Variants in CYYR1 observed in about 807,000 individuals in gnomAD.
CYYR1 encodes cysteine and tyrosine-rich protein 1.
A neutral mutation model predicts 15.2 loss-of-function variants in CYYR1; 14 were observed. The observed-to-expected ratio is 0.92, with a 90% CI of 0.61 to 1.44. The LOEUF is 1.44. Ranked by LOEUF, CYYR1 falls within the 40% of genes most tolerant of loss-of-function variation. The probability of loss-of-function intolerance (pLI) is 0.00; values close to 1 mark genes in which losing one functional copy is unlikely to be tolerated. For missense variants in CYYR1, 228 were observed against 209.5 expected, an observed-to-expected ratio of 1.09 and a Z score of -0.54; for synonymous variants, 80 against 77.4, an observed-to-expected ratio of 1.03 and a Z score of -0.18.
At chr21:26,532,676 T>C (rs781716931) in intron 2 of CYYR1, among the ~76,000 whole-genome samples, 8 of 152,216 alleles carry the variant, frequency 5.3e-5, no homozygotes, top group Non-Finnish European at 1.2e-4. Flanking sequence ...AACATGTTAA[T>C]TTTTCACTGT....
At chr21:26,536,404 G>C (rs990850375) in intron 2 of CYYR1, among the ~76,000 whole-genome samples, 3 of 152,140 alleles carry the variant, frequency 2.0e-5, no homozygotes, top group African/African-American at 7.2e-5. Flanking sequence ...TGTGATTTAA[G>C]AAATGGTATA....
intron 3 of CYYR1, among the ~76,000 whole-genome samples, chr21:26,470,054 C>T (rs977119098): frequency 2.6e-5 from 4 of 152,100 alleles, no homozygotes; most frequent in Non-Finnish European, 5.9e-5. Flanking sequence ...TAATTGCCTA[C>T]TGTGAATGTA....
chr21:26,541,103 G>A (rs899948466), intron 2 of CYYR1, among the ~76,000 whole-genome samples: 14 of 152,112 alleles, frequency 9.2e-5, no homozygotes, highest in African/African-American at 3.4e-4. Flanking sequence ...AGAGCAGAGA[G>A]AAAAAATATT....
intron 2 of CYYR1, among the ~76,000 whole-genome samples, chr21:26,496,613 G>A (rs548852339): frequency 1.3e-5 from 2 of 152,222 alleles, no homozygotes; most frequent in East Asian, 1.9e-4. Context: ...TAGAGACACT[G>A]AACAATTGCT....
chr21:26,541,009 T>G (rs1978513682), intron 2 of CYYR1, among the ~76,000 whole-genome samples: 1 of 152,040 alleles, frequency 6.6e-6, no homozygotes, highest in African/African-American at 2.4e-5. Context: ...AAAAGGAAAT[T>G]AATTGTATGG....
chr21:26,557,438 C>T (rs2123703422), intron 2 of CYYR1, among the ~76,000 whole-genome samples: 1 of 152,212 alleles, frequency 6.6e-6, no homozygotes, highest in African/African-American at 2.4e-5. Flanking sequence ...ACAAATCCTA[C>T]ATTTTATGTA....
rs749050568 is a variant in CYYR1 at position 26,468,596 on chromosome 21, A to G, written c.373T>C (p.Tyr125His). 3.1e-6 allele frequency: 5 copies of G among 1,612,920 alleles called. No homozygotes were observed. Among genetic ancestry groups the G allele is most frequent in the South Asian group, 2.2e-5 (2 of 90,972 alleles). The change falls in exon 4 of 4, where the codon TAC (tyrosine) becomes CAC (histidine). Residue 125 changes from tyrosine to histidine, a missense_variant. Transcript: ENST00000652641. ...TATGGAGGAGGCAAGTCTGCACAGT[A>G]TTCCATCTCGTGGTCGTGACCGTAG... is the stretch of plus-strand genomic sequence containing the variant. ...PPYGHDHEME[Y>H]CADLPPPYSP...
intron 2 of CYYR1, chr21:26,564,698 A>G: frequency 6.1e-6 from 7 of 1,155,896 alleles, no homozygotes; most frequent in Non-Finnish European, 7.7e-6. Context: ...GAGGGCACAC[A>G]GCACACTCCA....
chr21:26,474,946 C>T (rs1008935832), intron 3 of CYYR1, among the ~76,000 whole-genome samples: 1 of 152,076 alleles, frequency 6.6e-6, no homozygotes, highest in Admixed American at 6.6e-5. Context: ...TACTCTTTTG[C>T]ACCTATTGTC....
intron 2 of CYYR1, among the ~76,000 whole-genome samples, chr21:26,532,305 A>G (rs182998640): frequency 3.9e-4 from 59 of 152,266 alleles, no homozygotes; most frequent in African/African-American, 1.4e-3. Context: ...AAAATGTGTG[A>G]TGGGCTTATT....
chr21:26,559,528 C>T (rs1262120530), intron 2 of CYYR1, among the ~76,000 whole-genome samples: 4 of 151,936 alleles, frequency 2.6e-5, no homozygotes, highest in Non-Finnish European at 4.4e-5. Flanking sequence ...TTATTTTAGA[C>T]ATTTTTTCTA....
intron 2 of CYYR1, among the ~76,000 whole-genome samples, chr21:26,516,882 G>A (rs1208648230): frequency 4.0e-5 from 6 of 151,804 alleles, no homozygotes; most frequent in African/African-American, 1.2e-4. Flanking sequence ...TTGGGAGGCC[G>A]AGGCGGGCGG....
At chr21:26,562,773 AACAC>A (rs1376246094) in intron 2 of CYYR1, among the ~76,000 whole-genome samples, 9 of 107,022 alleles carry the variant, frequency 8.4e-5, no homozygotes, top group Admixed American at 5.3e-4. Flanking sequence ...GACATACACA[AACAC>A]ACACACACAG....
Position 26,466,813 on chromosome 21 carries a change from C to G in CYYR1, c.*1688G>C, listed in dbSNP as rs1348757220. The stretch of plus-strand genomic sequence containing the variant: ...TAAGTCAGGGAGCCCCTCACCAGAA[C>G]AGGCTGAAACTCTTGAATGCTTTGC... On this transcript the variant is annotated 3_prime_UTR_variant, in exon 4 of 4. Transcript: ENST00000652641. The G allele has an allele frequency of 1.3e-5, 2 of 152,130 alleles. No individual in the cohort carries two copies. Among genetic ancestry groups the G allele is most frequent in the Admixed American group, 1.3e-4 (2 of 15,256 alleles). The allele number at this position is 152,130 out of a possible 1,614,324, so 9.4% of individuals were successfully genotyped here. A position where few individuals can be genotyped will look rare whatever the true frequency, so the allele number is the denominator to read the frequency against.
At chr21:26,488,472 C>T (rs1219631624) in intron 2 of CYYR1, among the ~76,000 whole-genome samples, 1 of 152,028 alleles carries the variant, frequency 6.6e-6, no homozygotes, top group Non-Finnish European at 1.5e-5. Flanking sequence ...AGGCTGGTCT[C>T]CAACTCCTGA....
chr21:26,485,283 G>T (rs1601737614), intron 2 of CYYR1, among the ~76,000 whole-genome samples: 1 of 151,926 alleles, frequency 6.6e-6, no homozygotes. Flanking sequence ...TCCCCAGATG[G>T]TTACATCTTA....
chr21:26,501,762 A>T (rs1056080022), intron 2 of CYYR1, among the ~76,000 whole-genome samples: 5 of 152,202 alleles, frequency 3.3e-5, no homozygotes, highest in African/African-American at 1.2e-4. Flanking sequence ...AAACCTGACA[A>T]GTAATACCCA....
intron 3 of CYYR1, among the ~76,000 whole-genome samples, chr21:26,472,341 T>G (rs2123365743): frequency 6.6e-6 from 1 of 152,258 alleles, no homozygotes; most frequent in African/African-American, 2.4e-5. Context: ...TTAATTATTT[T>G]TTTTTTAGAA....
chr21:26,472,989 A>T (rs1003959867), intron 3 of CYYR1, among the ~76,000 whole-genome samples: 4 of 152,150 alleles, frequency 2.6e-5, no homozygotes, highest in African/African-American at 9.7e-5. Flanking sequence ...AATATTGGTT[A>T]GGCCGAATTA....
Sources: gnomAD v4.1 joint callset for allele counts (sites outside exome capture counted in the v4.1 genomes callset) on GRCh38, gnomAD v4.1.1 for gene constraint, MANE v1.5 for transcripts, NCBI Gene and HGNC (gene_info 2026-07-23, HGNC 2026-07-21) for gene names.